The following HOOK2 variants were observed in gnomAD, a reference collection of about 807,000 sequenced individuals.
The protein encoded by HOOK2 is hook microtubule tethering protein 2, also known as protein Hook homolog 2.
HOOK2 carries 108 observed loss-of-function variants against 111.9 expected under a neutral mutation model. The ratio of observed to expected loss-of-function variants is 0.96; its 90% CI spans 0.83 to 1.13. The LOEUF (loss-of-function observed/expected upper bound fraction) is 1.13, where lower values mean the gene tolerates loss of function less well. HOOK2 is among the 50% of genes most tolerant of loss of function. The pLI is 0.00. For missense variants in HOOK2, 978 were observed against 951.3 expected (o/e 1.03, Z -0.37); for synonymous variants, 405 against 394.3 (o/e 1.03, Z -0.32).
In HOOK2 at chr19:12,766,176, C is replaced by T. The variant is rs1348945989; in HGVS notation, c.1438G>A (p.Glu480Lys). 10 of 1,597,886 alleles carry T rather than the reference C, an allele frequency of 6.3e-6. No homozygotes were observed. The highest frequency in any genetic ancestry group is 7.6e-6 in the Non-Finnish European group (9 of 1,178,454). ...TGGCGCTGCAGCTCCTCCTGCCGCT[C>T]CCGGTCGGCCGCCTCCTGCCTGCAC... The part of the protein sequence containing the change: ...RLCRQEAADR[E>K]RQEELQRHLE... The change falls in exon 15 of 23, where the codon GAG becomes AAG. Residue 480 changes from glutamate to lysine, a missense_variant. Glu to Lys is a moderately conservative substitution (Grantham distance 56). Around this residue, in one of 5 missense-constraint regions of HOOK2, gnomAD observed 388 missense variants for 358.3 expected, o/e 1.08. Coordinates refer to ENST00000397668, the MANE Select transcript of HOOK2 (RefSeq NM_013312.3).
chr19:12,768,185 A>G, intron 11 of HOOK2, 62 bp from the exon 12 acceptor site: 1 of 1,328,162 alleles, frequency 7.5e-7, no homozygotes, highest in South Asian at 1.2e-5. Context: ...GGGGCTGAGT[A>G]CAAATGGTCC....
intron 17 of HOOK2, 46 bp downstream of exon 17, chr19:12,765,783 C>G: frequency 6.2e-7 from 1 of 1,614,106 alleles, no homozygotes; most frequent in Admixed American, 1.7e-5. Flanking sequence ...ATTCTTCCTT[C>G]CCAGGGTGAG....
chr19:12,766,403 G>A, intron 14 of HOOK2, 163 bp from the exon 15 acceptor site: 2 of 854,270 alleles, frequency 2.3e-6, no homozygotes, highest in South Asian at 1.9e-5. Flanking sequence ...CAGGTTCCCG[G>A]CCCAGGGTTA....
rs754469382 is a variant in HOOK2 at position 12,767,892 on chromosome 19, C to T, written c.1227G>A (p.Ala409=). The T allele has an allele frequency of 2.0e-5, 33 of 1,609,828 alleles. No homozygotes were observed. Among genetic ancestry groups the T allele is most frequent in the South Asian group, 3.3e-5 (3 of 90,978 alleles). The change falls in exon 13 of 23, where the codon GCG becomes GCA. Residue 409 remains alanine, a synonymous_variant. Transcript: ENST00000397668. ...TGGCCTCCCGCAAGGAGTCCCGCTC[C>T]GCCAACAGCCGCTGCAGGGACAGGG... ...SVTKEKERLL[A]ERDSLREANE...
Position 12,769,926 on chromosome 19 carries a change from G to C in HOOK2, c.1059C>G (p.Arg353=). 6.4e-7 allele frequency: 1 copy of C among 1,550,800 alleles called. No individual in the cohort carries two copies. ...GCTGGGCGCGCAGGGAGCCCGCTCG[G>C]CGTAGCTCATCCTCCAGTTGTCGCG... ...ERTRQLEDEL[R]RAGSLRAQLE... The change falls in exon 11 of 23, where the codon CGC becomes CGG. Residue 353 remains arginine (R), a synonymous_variant. Coordinates refer to ENST00000397668, the MANE Select transcript of HOOK2 (RefSeq NM_013312.3).
rs1968257037 is a variant in HOOK2, at chr19:12,769,729, C to CAGA, written c.1104+149_1104+151dup. 1.4e-5 allele frequency: 8 copies of CAGA among 586,308 alleles called. No individual in the cohort carries two copies. The South Asian group carries it at 2.0e-4, about 15-fold the overall frequency. The allele number at this position is 586,308 out of a possible 1,614,324, so 36.3% of individuals were successfully genotyped here. A position where few individuals can be genotyped will look rare whatever the true frequency, so the allele number is the denominator to read the frequency against. On this transcript the variant is annotated intron_variant, in intron 11 of 22. Transcript: ENST00000397668. ...GAAAGGCTGGGCTTACTAACCCAGA[C>CAGA]AGAAGAGCAGCGTGGGTGGAGGGAA... is the stretch of plus-strand genomic sequence containing the variant.
In HOOK2 at chr19:12,769,978, T is replaced by G. The variant is rs778928094; in HGVS notation, c.1007A>C (p.Glu336Ala). Reference protein sequence around the residue: ...ELRRQVRQLEERNAGHAERTR... With the variant: ...ELRRQVRQLEARNAGHAERTR... ...GCGCTCGGCGTGGCCGGCGTTGCGT[T>G]CCTCCAGCTGCCGCACCTGCCGCCG... Residue 336 changes from glutamate (E) to alanine (A), a missense_variant, in exon 11 of 23, where the codon GAA becomes GCA. Glu to Ala is a moderately radical substitution (Grantham distance 107). Transcript: ENST00000397668. The G allele has an allele frequency of 6.4e-7, 1 of 1,550,534 alleles. No homozygotes were observed. The highest frequency in any genetic ancestry group is 1.2e-5 in the South Asian group (1 of 84,396).
At chr19:12,787,710 G>C (rs993420243) in intron 3 of HOOK2, among the ~76,000 whole-genome samples, 60 of 152,104 alleles carry the variant, frequency 3.9e-4, no homozygotes, top group African/African-American at 1.4e-3. Flanking sequence ...CCAAAGTGCT[G>C]AGATTATAGA....
Position 12,769,912 on chromosome 19 carries a change from A to T in HOOK2, c.1073T>A (p.Leu358Gln). The T allele has an allele frequency of 6.6e-7, 1 of 1,521,466 alleles. No homozygotes were observed. The highest frequency in any genetic ancestry group is 1.2e-5 in the South Asian group (1 of 81,706). 94.2% of individuals were successfully genotyped at this position (1,521,466 alleles called of 1,614,324 possible). ...CCGCTGCGCCTCCAGCTGGGCGCGC[A>T]GGGAGCCCGCTCGGCGTAGCTCATC... is the stretch of plus-strand genomic sequence containing the variant. ...LEDELRRAGSLRAQLEAQRRQ... is the reference protein window; with the variant it reads ...LEDELRRAGSQRAQLEAQRRQ... The change falls in exon 11 of 23, where the codon CTG becomes CAG. Residue 358 changes from leucine to glutamine, a missense_variant. Physicochemically the swap from Leu to Gln is moderately radical, Grantham distance 113 (BLOSUM62 -2). Around this residue, in one of 5 missense-constraint regions of HOOK2, gnomAD observed 388 missense variants for 358.3 expected, o/e 1.08. Coordinates refer to ENST00000397668, the MANE Select transcript of HOOK2 (RefSeq NM_013312.3).
At chr19:12,767,759 T>G (rs1968198274) in intron 13 of HOOK2, 57 bp downstream of exon 13, 2 of 1,504,858 alleles carry the variant, frequency 1.3e-6, no homozygotes, top group African/African-American at 2.7e-5. Flanking sequence ...ACACAACCTG[T>G]TCTACCCAAA....
intron 10 of HOOK2, among the ~76,000 whole-genome samples, chr19:12,770,328 G>T (rs1235622154): frequency 6.6e-6 from 1 of 151,940 alleles, no homozygotes; most frequent in Non-Finnish European, 1.5e-5. Context: ...GACACAGAGG[G>T]TGGGGTTATA....
rs1968211922 is a variant in HOOK2, at chr19:12,768,096, C to A, written c.1132G>T (p.Glu378Ter). 2 of 1,614,198 alleles carry A rather than the reference C, an allele frequency of 1.2e-6. No individual in the cohort carries two copies. Among genetic ancestry groups the A allele is most frequent in the Non-Finnish European group, 1.7e-6 (2 of 1,180,012 alleles). ...CATTTCTCGGCCTTCATGGCCTCCT[C>A]CTGCCGCTGGCCCTGCAGTTCCTGC... is the stretch of plus-strand genomic sequence containing the variant. ...QVQELQGQRQ[E>*]EAMKAEKWLF... Residue 378 changes from glutamate (E) to a stop codon, truncating the protein, a stop_gained, in exon 12 of 23, where the codon GAG becomes TAG. Transcript: ENST00000397668. LOFTEE classifies it high-confidence loss of function.
At chr19:12,766,545 A>G in intron 14 of HOOK2, 1 of 388,286 alleles carries the variant, frequency 2.6e-6, no homozygotes, top group Non-Finnish European at 4.6e-6. Context: ...AGGATGGGAC[A>G]GTTTTTCGGG....
chr19:12,780,242 C>T (rs114085406), upstream of HOOK2, among the ~76,000 whole-genome samples: 2,030 of 152,256 alleles, frequency 0.013, 24 homozygotes, highest in Middle Eastern at 0.058. Context: ...ATGGTCCAGG[C>T]AGAGTTTGGG....
intron 1 of HOOK2, 95 bp downstream of exon 1, chr19:12,775,310 A>G (rs1968467765): frequency 6.5e-7 from 1 of 1,529,850 alleles, no homozygotes; most frequent in African/African-American, 1.4e-5. Context: ...CGCACCTCCC[A>G]GCCCCAGCAC....
In HOOK2 at chr19:12,769,940, C is replaced by T; in HGVS notation, c.1045G>A (p.Glu349Lys). ...GAGCCCGCTCGGCGTAGCTCATCCTCCAGTTGTCGCGTGCGCTCGGCGTGG... is the reference window on the plus strand; with the variant it reads ...GAGCCCGCTCGGCGTAGCTCATCCTTCAGTTGTCGCGTGCGCTCGGCGTGG... ...AGHAERTRQL[E>K]DELRRAGSLR... Residue 349 changes from glutamate to lysine, a missense_variant, in exon 11 of 23, where the codon GAG (glutamate) becomes AAG (lysine). Transcript: ENST00000397668. The T allele has an allele frequency of 6.4e-7, 1 of 1,558,626 alleles. No homozygotes were observed. Among genetic ancestry groups the T allele is most frequent in the East Asian group, 2.4e-5 (1 of 41,752 alleles).
chr19:12,765,593 T>TA, intron 18 of HOOK2, 97 bp downstream of exon 18: 2 of 1,485,258 alleles, frequency 1.3e-6, no homozygotes, highest in South Asian at 2.3e-5. Flanking sequence ...ACTAAAAATA[T>TA]AAAAAATCAG....
In HOOK2 at chr19:12,772,809, C is replaced by A. The variant is rs368235221; in HGVS notation, c.359G>T (p.Gly120Val). 2.5e-6 allele frequency: 4 copies of A among 1,614,214 alleles called. No individual in the cohort carries two copies. The highest frequency in any genetic ancestry group is 8.5e-7 in the Non-Finnish European group (1 of 1,180,040). ...CTTTTTCTCGCAACTGATGGCACAG[C>A]CCAGCACCAGCTGAAGCAGCTTGCC... ...ELGKLLQLVLGCAISCEKKQD... is the reference protein window; with the variant it reads ...ELGKLLQLVLVCAISCEKKQD... The change falls in exon 5 of 23, where the codon GGC (glycine) becomes GTC (valine). Residue 120 changes from glycine (G) to valine (V), a missense_variant. By Grantham distance (109) the Gly-to-Val change is moderately radical (BLOSUM62 -3). Coordinates refer to ENST00000397668, the MANE Select transcript of HOOK2 (RefSeq NM_013312.3).
chr19:12,792,068 C>T (rs1968724431), intron 3 of HOOK2: 3 of 1,607,950 alleles, frequency 1.9e-6, no homozygotes, highest in Non-Finnish European at 1.7e-6. Context: ...ACGGCGTGAT[C>T]ACGACGACGC....
Sources: allele counts gnomAD v4.1 joint callset (sites outside exome capture counted in the v4.1 genomes callset), GRCh38; gene constraint gnomAD v4.1.1; regional missense constraint gnomAD v4.1.1; transcripts MANE v1.5; gene names NCBI Gene and HGNC (gene_info 2026-07-23, HGNC 2026-07-21).